CDH6: variants seen among roughly 807,000 people sequenced by gnomAD.
CDH6 encodes cadherin 6, also known as cadherin-6.
A neutral mutation model predicts 78.0 loss-of-function variants in CDH6; 31 were observed. The observed-to-expected ratio is 0.40, with a 90% confidence interval of 0.30 to 0.54. CDH6 has a LOEUF of 0.54. Ranked by LOEUF, CDH6 falls within the 20% of genes least tolerant of loss-of-function variation. The probability of loss-of-function intolerance (pLI) is 0.56; values close to 1 mark genes in which losing one functional copy is unlikely to be tolerated. For missense variants in CDH6, 724 were observed against 975.9 expected, an observed-to-expected ratio of 0.74 and a Z score of 3.44; for synonymous variants, 376 against 368.8, an observed-to-expected ratio of 1.02 and a Z score of -0.23.
At chr5:31,211,757 T>C (rs1480092481) in intron 1 of CDH6, among the ~76,000 whole-genome samples, 1 of 152,230 alleles carries the variant, frequency 6.6e-6, no homozygotes, top group Non-Finnish European at 1.5e-5. Context: ...TAAATTTTGT[T>C]CTTGATCTTG....
intron 2 of CDH6, among the ~76,000 whole-genome samples, chr5:31,271,571 C>T (rs554350743): frequency 6.6e-6 from 1 of 152,208 alleles, no homozygotes; most frequent in African/African-American, 2.4e-5. Flanking sequence ...CAACCACTCA[C>T]TTAAAATGGT....
chr5:31,218,211 G>A (rs1281388783), intron 1 of CDH6, among the ~76,000 whole-genome samples: 1 of 151,888 alleles, frequency 6.6e-6, no homozygotes, highest in Non-Finnish European at 1.5e-5. Flanking sequence ...ATCCAATGAA[G>A]CAATTAGGCA....
intron 2 of CDH6, among the ~76,000 whole-genome samples, chr5:31,280,733 T>C (rs765477452): frequency 3.3e-5 from 5 of 152,024 alleles, no homozygotes; most frequent in Non-Finnish European, 4.4e-5. Flanking sequence ...AATGTTTCAG[T>C]TGGTTTCTTT....
Position 31,324,155 on chromosome 5 carries a change from G to A in CDH6, c.*847G>A, listed in dbSNP as rs187551446. ...TTCTTTCAGCTATCAGTAGGCTAAT[G>A]TCAAAATTGTTTAAAAATTCTTGAA... On this transcript the variant is annotated 3_prime_UTR_variant, in exon 12 of 12. Coordinates refer to ENST00000265071, the MANE Select transcript of CDH6 (RefSeq NM_004932.4). The A allele has an allele frequency of 2.7e-5, 6 of 219,588 alleles. No homozygotes were observed. Among genetic ancestry groups the A allele is most frequent in the Admixed American group, 1.7e-4 (3 of 17,308 alleles). 13.6% of individuals were successfully genotyped at this position (219,588 alleles called of 1,614,324 possible).
rs1738534158 is a variant in CDH6, at chr5:31,323,505, T to C, written c.*197T>C. ...GCTTCCAAGGGGCAAATTTTTATTT[T>C]TTAGTGCATCCAGTTAACCAAGTCA... On this transcript the variant is annotated 3_prime_UTR_variant, in exon 12 of 12. Transcript: ENST00000265071. 1.7e-6 allele frequency: 1 copy of C among 576,556 alleles called. No individual in the cohort carries two copies. The highest frequency in any genetic ancestry group is 1.9e-5 in the African/African-American group (1 of 53,770). 35.7% of individuals were successfully genotyped at this position (576,556 alleles called of 1,614,324 possible).
At chr5:31,275,313 T>C (rs991378330) in intron 2 of CDH6, among the ~76,000 whole-genome samples, 3 of 152,144 alleles carry the variant, frequency 2.0e-5, no homozygotes, top group African/African-American at 7.2e-5. Context: ...AGCATAGTAC[T>C]CTACAGTTAG....
rs375949044 is a variant in CDH6 at position 31,299,570 on chromosome 5, G to A, written c.750G>A (p.Gly250=). 1 of 1,613,786 alleles carries A rather than the reference G, an allele frequency of 6.2e-7. No individual in the cohort carries two copies. The highest frequency in any genetic ancestry group is 1.3e-5 in the African/African-American group (1 of 74,992). ...GCGGCCAGATGGGAGGATTATCTGG[G>A]ACCACCACCGTGAACATCACACTGA... is the stretch of plus-strand genomic sequence containing the variant. The part of the protein sequence containing the change: ...DMGGQMGGLS[G]TTTVNITLTD... The change falls in exon 5 of 12, where the codon GGG becomes GGA. Residue 250 remains glycine (G), a synonymous_variant. Transcript: ENST00000265071.
intron 1 of CDH6, among the ~76,000 whole-genome samples, chr5:31,266,551 C>T (rs746400122): frequency 7.2e-5 from 11 of 151,882 alleles, no homozygotes; most frequent in African/African-American, 1.2e-4. Flanking sequence ...TGAATAGAAT[C>T]GCTCATTTAA....
intron 9 of CDH6, among the ~76,000 whole-genome samples, chr5:31,316,625 C>T (rs758892469): frequency 3.5e-4 from 53 of 152,184 alleles, no homozygotes; most frequent in Admixed American, 5.9e-4. Context: ...GTTTAATTAC[C>T]ATATGTACTT....
At chr5:31,274,247 A>C (rs542752106) in intron 2 of CDH6, among the ~76,000 whole-genome samples, 25 of 152,320 alleles carry the variant, frequency 1.6e-4, no homozygotes, top group African/African-American at 6.0e-4. Flanking sequence ...CTTAATGACA[A>C]AAGTTTCAAT....
intron 1 of CDH6, among the ~76,000 whole-genome samples, chr5:31,244,856 C>G (rs1741699742): frequency 6.6e-6 from 1 of 152,160 alleles, no homozygotes; most frequent in South Asian, 2.1e-4. Flanking sequence ...GTTAGACGAC[C>G]TCTGAGGACT....
At chr5:31,253,021 A>G (rs374161500) in intron 1 of CDH6, among the ~76,000 whole-genome samples, 2 of 152,238 alleles carry the variant, frequency 1.3e-5, no homozygotes, top group South Asian at 4.1e-4. Flanking sequence ...TATAAACAAC[A>G]GAAATTTATA....
intron 1 of CDH6, among the ~76,000 whole-genome samples, chr5:31,214,177 A>T (rs1363806801): frequency 6.6e-6 from 1 of 151,702 alleles, no homozygotes; most frequent in African/African-American, 2.4e-5. Context: ...AGTCTGGGAA[A>T]AAACCAGACA....
chr5:31,230,188 G>T (rs1409363401), intron 1 of CDH6, among the ~76,000 whole-genome samples: 1 of 152,132 alleles, frequency 6.6e-6, no homozygotes, highest in Non-Finnish European at 1.5e-5. Flanking sequence ...CTGAATTCCT[G>T]CAGGTTCTCA....
At chr5:31,270,831 G>C (rs1338723938) in intron 2 of CDH6, among the ~76,000 whole-genome samples, 1 of 152,000 alleles carries the variant, frequency 6.6e-6, no homozygotes, top group Non-Finnish European at 1.5e-5. Flanking sequence ...AACTAGCTGA[G>C]ACTACAGACA....
At chr5:31,231,325 T>C (rs1741304821) in intron 1 of CDH6, among the ~76,000 whole-genome samples, 1 of 152,238 alleles carries the variant, frequency 6.6e-6, no homozygotes, top group African/African-American at 2.4e-5. Context: ...TGGGAATTTC[T>C]TTCCTTTTTA....
chr5:31,302,958 G>GAAAGAAAGAAAGAAAGAAAGAAAGAAA, intron 6 of CDH6, among the ~76,000 whole-genome samples: 1 of 106,152 alleles, frequency 9.4e-6, no homozygotes, highest in South Asian at 2.9e-4. Context: ...AAAGAAAGAA[G>GAAAGAAAGAAAGAAAGAAAGAAAGAAA]GAAAGAAAAG....
intron 1 of CDH6, among the ~76,000 whole-genome samples, chr5:31,258,531 A>G (rs1390973709): frequency 6.6e-6 from 1 of 152,114 alleles, no homozygotes; most frequent in Non-Finnish European, 1.5e-5. Context: ...AGAAATACCT[A>G]ATGTAGATGA....
At chr5:31,285,796 G>A (rs1742995546) in intron 2 of CDH6, among the ~76,000 whole-genome samples, 1 of 152,086 alleles carries the variant, frequency 6.6e-6, no homozygotes, top group African/African-American at 2.4e-5. Context: ...CTTACAATTG[G>A]TCCATTTTTG....
Sources: gnomAD v4.1 joint callset for allele counts (sites outside exome capture counted in the v4.1 genomes callset) on GRCh38, gnomAD v4.1.1 for gene constraint, MANE v1.5 for transcripts, NCBI Gene and HGNC (gene_info 2026-07-23, HGNC 2026-07-21) for gene names.